Variants in RYR1 observed in about 807,000 individuals in gnomAD.
The protein encoded by RYR1 is central core disease of muscle.
RYR1 carries 342 observed loss-of-function variants against 583.5 expected under a neutral mutation model. That is an observed-to-expected ratio of 0.59 (90% CI 0.54 to 0.64). The LOEUF (loss-of-function observed/expected upper bound fraction) is 0.64, where lower values mean the gene tolerates loss of function less well. RYR1 is among the 30% of genes least tolerant of loss of function. RYR1 has a pLI of 0.00. For synonymous variants in RYR1, 2,791 were observed against 2,822.5 expected, an observed-to-expected ratio of 0.99 and a Z score of 0.35; for missense variants, 6,032 against 6,917.2, an observed-to-expected ratio of 0.87 and a Z score of 4.54.
At chr19:38,472,855 A>G (rs575391700) in intron 27 of RYR1, among the ~76,000 whole-genome samples, 145 of 149,224 alleles carry the variant, frequency 9.7e-4, no homozygotes, top group African/African-American at 3.3e-3. Flanking sequence ...AAAAAAAAAA[A>G]AAGAAGTCTG....
chr19:38,548,357 T>A lies in RYR1; in HGVS notation c.12219T>A (p.Ser4073=), dbSNP rs764395582. The A allele has an allele frequency of 3.7e-6, 6 of 1,614,092 alleles. No homozygotes were observed. Among genetic ancestry groups the A allele is most frequent in the African/African-American group, 1.3e-5 (1 of 74,930 alleles). ...TGAAACTCAAGGACATTGTGGGCTCTGAAGCCTTCCAGGACTACGTAACGG... is the reference window on the plus strand; with the variant it reads ...TGAAACTCAAGGACATTGTGGGCTCAGAAGCCTTCCAGGACTACGTAACGG... ...MFLKLKDIVG[S]EAFQDYVTDP... is the part of the protein sequence containing the mutation. Residue 4073 remains serine, a synonymous_variant, in exon 89 of 106, where the codon TCT becomes TCA. Transcript: ENST00000359596.
chr19:38,438,514 G>C (rs978494047), intron 1 of RYR1, among the ~76,000 whole-genome samples: 1 of 150,602 alleles, frequency 6.6e-6, no homozygotes, highest in African/African-American at 2.4e-5. Context: ...TCAGCCTCCC[G>C]AGTAGCAGGG....
chr19:38,459,960 A>G (rs1967636552), intron 19 of RYR1, among the ~76,000 whole-genome samples: 1 of 152,088 alleles, frequency 6.6e-6, no homozygotes, highest in Non-Finnish European at 1.5e-5. Context: ...AGCTCTCCGA[A>G]TGTCCATTCA....
At position 38,534,737 on chromosome 19, in the gene RYR1, G is replaced by A. The variant is rs1971889626; in HGVS notation, c.11277G>A (p.Lys3759=). 6.2e-7 allele frequency: 1 copy of A among 1,613,868 alleles called. No homozygotes were observed. Among genetic ancestry groups the A allele is most frequent in the Admixed American group, 1.7e-5 (1 of 59,982 alleles). The change falls in exon 79 of 106, where the codon AAG becomes AAA. Residue 3759 remains lysine, a synonymous_variant. Coordinates refer to ENST00000359596, the MANE Select transcript of RYR1 (RefSeq NM_000540.3). ...EVSFEEKQME[K]QRLLYQQARL... is the part of the protein sequence containing the mutation. The stretch of plus-strand genomic sequence containing the variant: ...CTTCCCAGGAGAAACAGATGGAGAA[G>A]CAGAGGCTCTTGTACCAGCAAGCAC...
chr19:38,492,360 C>CAAAA (rs60482983), intron 37 of RYR1, 130 bp from the exon 38 acceptor site: 704 of 727,116 alleles, frequency 9.7e-4, no homozygotes, highest in South Asian at 2.4e-3. Context: ...GACACTGTCT[C>CAAAA]AAAAAAAAAA....
intron 38 of RYR1, 46 bp downstream of exon 38, chr19:38,492,682 GCC>G: frequency 6.4e-7 from 1 of 1,560,118 alleles, no homozygotes; most frequent in Non-Finnish European, 8.7e-7. Flanking sequence ...GGGGTGGGTA[GCC>G]CCATGCCTGC....
In RYR1 at chr19:38,529,048, C is replaced by T. The variant is rs375915752; in HGVS notation, c.11132C>T (p.Thr3711Met). Residue 3711 changes from threonine (T) to methionine (M), a missense_variant, in exon 76 of 106, where the codon ACG becomes ATG. Transcript: ENST00000359596. ...LVLHFSRTAL[T>M]EKSKLDEDYL... Reference sequence around the variant, plus strand: ...CTGCACTTCAGCCGCACTGCCCTGACGGAAAAGAGGTGAAGACTCTTGCCA... The same window carrying T: ...CTGCACTTCAGCCGCACTGCCCTGATGGAAAAGAGGTGAAGACTCTTGCCA... 1.9e-6 allele frequency: 3 copies of T among 1,613,764 alleles called. No individual in the cohort carries two copies. The highest frequency in any genetic ancestry group is 1.1e-5 in the South Asian group (1 of 91,024).
chr19:38,480,853 A>G (rs372360138), intron 31 of RYR1, among the ~76,000 whole-genome samples: 3 of 151,400 alleles, frequency 2.0e-5, no homozygotes, highest in African/African-American at 7.3e-5. Context: ...CAAGCCTCCT[A>G]AGTATGTGAG....
chr19:38,531,433 C>T (rs1479585854), intron 76 of RYR1, among the ~76,000 whole-genome samples: 1 of 151,808 alleles, frequency 6.6e-6, no homozygotes, highest in East Asian at 1.9e-4. Flanking sequence ...TACAAGGCAC[C>T]TAGAACAGGC....
In RYR1 at chr19:38,523,101, T is replaced by C; in HGVS notation, c.10333T>C (p.Trp3445Arg). ...GATGGTGGGCGAGATCTTCATCTAC[T>C]GGTCCAAGTCCCACGTGAGTGCCCA... ...FRMVGEIFIYWSKSHNFKREE... is the reference protein window; with the variant it reads ...FRMVGEIFIYRSKSHNFKREE... The change falls in exon 68 of 106, where the codon TGG (tryptophan) becomes CGG (arginine). Residue 3445 changes from tryptophan (W) to arginine (R), a missense_variant. Physicochemically the swap from Trp to Arg is moderately radical, Grantham distance 101. This residue lies in a region of RYR1 where 1,493 missense variants were observed against 1,715.5 expected (regional missense o/e 0.87). Transcript: ENST00000359596. 1.9e-6 allele frequency: 3 copies of C among 1,613,274 alleles called. No individual in the cohort carries two copies. The highest frequency in any genetic ancestry group is 2.2e-5 in the South Asian group (2 of 91,044).
Position 38,444,360 on chromosome 19 carries a change from A to G in RYR1, c.537+99A>G. 9.7e-7 allele frequency: 1 copy of G among 1,027,046 alleles called. No homozygotes were observed. Among genetic ancestry groups the G allele is most frequent in the Non-Finnish European group, 1.5e-6 (1 of 667,142 alleles). 63.6% of individuals were successfully genotyped at this position (1,027,046 alleles called of 1,614,324 possible). A position where few individuals can be genotyped will look rare whatever the true frequency, so the allele number is the denominator to read the frequency against. ...TTGCCTGGCTGATCTCCCACCCCCAAGGTCCTGACTCCCAATTTCCCATTT... is the reference window on the plus strand; with the variant it reads ...TTGCCTGGCTGATCTCCCACCCCCAGGGTCCTGACTCCCAATTTCCCATTT... On this transcript the variant is annotated intron_variant, in intron 6 of 105. Coordinates refer to ENST00000359596, the MANE Select transcript of RYR1 (RefSeq NM_000540.3). This position sits in a 1 kb window ranked among gnomAD's most constrained non-coding sequence, Gnocchi z 5.1.
At chr19:38,528,782 C>A in intron 75 of RYR1, 87 bp downstream of exon 75, 1 of 1,466,242 alleles carries the variant, frequency 6.8e-7, no homozygotes, top group Non-Finnish European at 9.5e-7. Context: ...CAGGGGTCGG[C>A]CCTCCACATC....
intron 29 of RYR1, among the ~76,000 whole-genome samples, chr19:38,475,955 C>T (rs1448663323): frequency 2.0e-5 from 3 of 152,160 alleles, no homozygotes; most frequent in Non-Finnish European, 4.4e-5. Context: ...CCGTGGACCA[C>T]GGATGCGGGG....
At chr19:38,453,817 TG>T (rs1967220467) in intron 13 of RYR1, among the ~76,000 whole-genome samples, 1 of 150,980 alleles carries the variant, frequency 6.6e-6, no homozygotes, top group Non-Finnish European at 1.5e-5. Context: ...GAGGCTTGGG[TG>T]GGGGAGTGGG....
At chr19:38,549,870 T>A (rs1030983228) in intron 89 of RYR1, among the ~76,000 whole-genome samples, 2 of 136,866 alleles carry the variant, frequency 1.5e-5, no homozygotes, top group Admixed American at 8.0e-5. Context: ...CATGCCCAGC[T>A]AAATTTGTGT....
chr19:38,509,832 TTAACTC>T (rs780487441), intron 58 of RYR1, among the ~76,000 whole-genome samples: 6 of 152,256 alleles, frequency 3.9e-5, no homozygotes, highest in African/African-American at 1.2e-4. Context: ...CATTTTGAAA[TTAACTC>T]TAATTTGTTT....
rs769528396 is a variant in RYR1 at position 38,578,003 on chromosome 19, C to T, written c.14258C>T (p.Ala4753Val). 6 of 1,613,990 alleles carry T rather than the reference C, an allele frequency of 3.7e-6. No individual in the cohort carries two copies. The African/African-American group carries it at 6.7e-5, about 18-fold the overall frequency. The change falls in exon 98 of 106, where the codon GCC (alanine) becomes GTC (valine). Residue 4753 changes from alanine to valine, a missense_variant. By Grantham distance (64) the Ala-to-Val change is moderately conservative. Coordinates refer to ENST00000359596, the MANE Select transcript of RYR1 (RefSeq NM_000540.3). ...GACCTGGCCACACTAGAGATCACAG[C>T]CCACAATGAGCGCAAGCCCAACCCG... ...GMDLATLEITAHNERKPNPPP... is the reference protein window; with the variant it reads ...GMDLATLEITVHNERKPNPPP...
chr19:38,448,595 C>T (rs921094594), intron 10 of RYR1, 54 bp from the exon 11 acceptor site: 58 of 1,614,004 alleles, frequency 3.6e-5, no homozygotes, highest in Non-Finnish European at 4.7e-5. Flanking sequence ...CAGGGGGGCT[C>T]CCCTGCTAAA....
In RYR1 at chr19:38,580,080, C is replaced by T; in HGVS notation, c.14463C>T (p.Val4821=). The T allele has an allele frequency of 6.2e-7, 1 of 1,614,212 alleles. No homozygotes were observed. The highest frequency in any genetic ancestry group is 8.5e-7 in the Non-Finnish European group (1 of 1,180,052). ...ATCTCCTGGACATCGCCATGGGGGT[C>T]AAGACGCTGCGCACCATCCTGTCCT... ...AAHLLDIAMG[V]KTLRTILSSV... is the part of the protein sequence containing the mutation. The change falls in exon 100 of 106, where the codon GTC becomes GTT. Residue 4821 remains valine, a synonymous_variant. Coordinates refer to ENST00000359596, the MANE Select transcript of RYR1 (RefSeq NM_000540.3).
Sources: allele counts gnomAD v4.1 joint callset (sites outside exome capture counted in the v4.1 genomes callset), GRCh38; gene constraint gnomAD v4.1.1; regional missense constraint gnomAD v4.1.1; non-coding constraint Gnocchi (gnomAD v3.1); transcripts MANE v1.5; gene names NCBI Gene and HGNC (gene_info 2026-07-23, HGNC 2026-07-21).